The following FSHR variants were observed in gnomAD, a reference collection of about 807,000 sequenced individuals.
The protein encoded by FSHR is follicle-stimulating hormone receptor.
Under a neutral mutation model 52.1 loss-of-function variants are expected in FSHR, and 46 were observed. The ratio of observed to expected loss-of-function variants is 0.88; its 90% confidence interval spans 0.70 to 1.13. The LOEUF (loss-of-function observed/expected upper bound fraction) is 1.13, where lower values mean the gene tolerates loss of function less well. Ranked by LOEUF, FSHR falls within the 50% of genes most tolerant of loss-of-function variation. FSHR has a pLI of 0.00. For missense variants in FSHR, 964 were observed against 834.6 expected (o/e 1.16, Z -1.91); for synonymous variants, 399 against 309.6 (o/e 1.29, Z -3.03).
chr2:49,083,613 A>G (rs1445456878), intron 1 of FSHR, among the ~76,000 whole-genome samples: 1 of 149,772 alleles, frequency 6.7e-6, no homozygotes, highest in Non-Finnish European at 1.5e-5. Context: ...TCACGTGCAG[A>G]GACACACATA....
intron 2 of FSHR, among the ~76,000 whole-genome samples, chr2:49,049,824 A>AATATATATATATAT (rs5831020): frequency 3.1e-4 from 45 of 144,884 alleles, no homozygotes; most frequent in African/African-American, 8.3e-4. Flanking sequence ...CCCCTACTCT[A>AATATATATATATAT]ATATATATAT....
chr2:49,028,620 T>C (rs1667990812), intron 2 of FSHR, among the ~76,000 whole-genome samples: 1 of 152,226 alleles, frequency 6.6e-6, no homozygotes, highest in East Asian at 1.9e-4. Flanking sequence ...CTACATTTCT[T>C]GGCCAATCTT....
chr2:49,044,439 G>A (rs1165426952), intron 2 of FSHR, among the ~76,000 whole-genome samples: 1 of 152,144 alleles, frequency 6.6e-6, no homozygotes, highest in Non-Finnish European at 1.5e-5. Flanking sequence ...TCTTATTGCT[G>A]CTATAAACTT....
At chr2:49,112,177 T>G (rs1020717281) in intron 1 of FSHR, among the ~76,000 whole-genome samples, 2 of 152,154 alleles carry the variant, frequency 1.3e-5, no homozygotes, top group Non-Finnish European at 2.9e-5. Flanking sequence ...AGCCTAACTA[T>G]TACATTTCCA....
chr2:49,093,165 G>A (rs940044471), intron 1 of FSHR, among the ~76,000 whole-genome samples: 9 of 152,162 alleles, frequency 5.9e-5, no homozygotes, highest in African/African-American at 2.2e-4. Flanking sequence ...TGATATCAGA[G>A]TAATGCCGGC....
At chr2:49,001,935 A>G (rs1289125443) in intron 4 of FSHR, among the ~76,000 whole-genome samples, 1 of 152,138 alleles carries the variant, frequency 6.6e-6, no homozygotes, top group East Asian at 1.9e-4. Context: ...ACTGTTTTAG[A>G]AGATTGGAAG....
chr2:49,128,061 T>C (rs1381277517), intron 1 of FSHR, among the ~76,000 whole-genome samples: 1 of 151,720 alleles, frequency 6.6e-6, no homozygotes, highest in Non-Finnish European at 1.5e-5. Context: ...TTTCTATTTT[T>C]AGTAGAGATG....
At chr2:48,976,656 C>G (rs781357143) in intron 8 of FSHR, among the ~76,000 whole-genome samples, 5 of 152,120 alleles carry the variant, frequency 3.3e-5, no homozygotes, top group Non-Finnish European at 2.9e-5. Flanking sequence ...GCCTCAATTT[C>G]TGAACTTGTT....
Position 48,963,566 on chromosome 2 carries a change from C to T in FSHR, c.1255G>A (p.Ala419Thr), listed in dbSNP as rs121909661. Reference sequence around the variant, plus strand: ...CTCTTGGTATGGATATCAACTGATGCAATGAGCAGCAGGTAGATTCCAATG... The same window carrying T: ...CTCTTGGTATGGATATCAACTGATGTAATGAGCAGCAGGTAGATTCCAATG... ...LCIGIYLLLI[A>T]SVDIHTKSQY... The change falls in exon 10 of 10, where the codon GCA (alanine) becomes ACA (threonine). Residue 419 changes from alanine (A) to threonine (T), a missense_variant. Transcript: ENST00000406846. The T allele has an allele frequency of 1.9e-6, 3 of 1,614,180 alleles. No homozygotes were observed. The highest frequency in any genetic ancestry group is 2.2e-5 in the South Asian group (2 of 91,086).
chr2:49,046,513 T>A (rs568162210), intron 2 of FSHR, among the ~76,000 whole-genome samples: 1 of 152,316 alleles, frequency 6.6e-6, no homozygotes, highest in South Asian at 2.1e-4. Flanking sequence ...AAGATTCTTA[T>A]GATCAGATAA....
chr2:49,124,277 G>T (rs1052498076), intron 1 of FSHR, among the ~76,000 whole-genome samples: 2 of 151,866 alleles, frequency 1.3e-5, no homozygotes, highest in South Asian at 4.2e-4. Flanking sequence ...TTACAGCCAT[G>T]AGCCACCACA....
rs139577946 is a variant in FSHR, at chr2:49,102,554, C to T, written c.153-34264G>A. 5.7e-4 allele frequency among the ~76,000 whole-genome samples: 87 copies of T among 152,196 alleles called. No homozygotes were observed. The East Asian group carries it at 0.014, about 24-fold the overall frequency. On this transcript the variant is annotated intron_variant, in intron 1 of 9. Coordinates refer to ENST00000406846, the MANE Select transcript of FSHR (RefSeq NM_000145.4). Reference sequence around the variant, plus strand: ...ACAGACAAGTGCAGTCAAATGCTCACTAGGGTGGACCAGTACTGGGCAATA... The same window carrying T: ...ACAGACAAGTGCAGTCAAATGCTCATTAGGGTGGACCAGTACTGGGCAATA...
chr2:49,129,720 A>G (rs1672197719), intron 1 of FSHR, among the ~76,000 whole-genome samples: 1 of 152,224 alleles, frequency 6.6e-6, no homozygotes, highest in South Asian at 2.1e-4. Context: ...GGATACATAA[A>G]TATAAATATG....
chr2:49,096,626 A>T (rs995903584), intron 1 of FSHR, among the ~76,000 whole-genome samples: 3 of 152,216 alleles, frequency 2.0e-5, no homozygotes, highest in Non-Finnish European at 4.4e-5. Context: ...TCTCCAGTAA[A>T]ATATTACAAC....
intron 1 of FSHR, among the ~76,000 whole-genome samples, chr2:49,085,243 C>T (rs1449998343): frequency 6.6e-6 from 1 of 152,184 alleles, no homozygotes; most frequent in Non-Finnish European, 1.5e-5. Context: ...AAAGACAAAA[C>T]CCACATGATT....
At chr2:49,087,479 C>T (rs1323642196) in intron 1 of FSHR, among the ~76,000 whole-genome samples, 1 of 152,030 alleles carries the variant, frequency 6.6e-6, no homozygotes, top group Non-Finnish European at 1.5e-5. Context: ...CTGCGCTAGG[C>T]CCTGAGGACA....
chr2:49,111,803 C>G (rs1481678640), intron 1 of FSHR, among the ~76,000 whole-genome samples: 1 of 152,176 alleles, frequency 6.6e-6, no homozygotes. Flanking sequence ...TACTTTCCTA[C>G]TGAGCTCTGC....
intron 1 of FSHR, among the ~76,000 whole-genome samples, chr2:49,095,942 C>T (rs1024769193): frequency 2.0e-5 from 3 of 152,050 alleles, no homozygotes; most frequent in African/African-American, 7.2e-5. Context: ...ACTAGGATGA[C>T]TGTAATTAAA....
At chr2:49,053,736 T>C (rs943762919) in intron 2 of FSHR, among the ~76,000 whole-genome samples, 1 of 152,030 alleles carries the variant, frequency 6.6e-6, no homozygotes, top group African/African-American at 2.4e-5. Context: ...CTGATAGAAG[T>C]AGAGGAGGCT....
Sources: gnomAD v4.1 joint callset for allele counts (sites outside exome capture counted in the v4.1 genomes callset) on GRCh38, gnomAD v4.1.1 for gene constraint, MANE v1.5 for transcripts, NCBI Gene and HGNC (gene_info 2026-07-23, HGNC 2026-07-21) for gene names.